Variants in MEGF9 observed in about 807,000 individuals in gnomAD.
The protein encoded by MEGF9 is multiple EGF like domains 9.
In MEGF9, 6 loss-of-function variants were observed where a neutral mutation model predicts 46.8. That is an observed-to-expected ratio of 0.13 (90% CI 0.07 to 0.25). MEGF9 has a LOEUF of 0.25. MEGF9 is among the 10% of genes least tolerant of loss of function. The pLI is 1.00. For missense variants in MEGF9, 683 were observed against 792.4 expected (o/e 0.86, Z 1.66); for synonymous variants, 302 against 330.7 (o/e 0.91, Z 0.94).
At chr9:120,611,216 C>G (rs1324618427) in intron 4 of MEGF9, among the ~76,000 whole-genome samples, 2 of 152,098 alleles carry the variant, frequency 1.3e-5, no homozygotes, top group East Asian at 3.8e-4. Context: ...AACATAGTTA[C>G]TACAGGACCC....
chr9:120,638,731 A>C (rs779061711), intron 2 of MEGF9, among the ~76,000 whole-genome samples: 1 of 152,208 alleles, frequency 6.6e-6, no homozygotes, highest in Non-Finnish European at 1.5e-5. Context: ...TTTAAATTGC[A>C]TTCTTCTGAT....
chr9:120,683,312 C>G (rs1283016304), intron 1 of MEGF9, among the ~76,000 whole-genome samples: 1 of 151,994 alleles, frequency 6.6e-6, no homozygotes. Flanking sequence ...TGGCCATAAG[C>G]CAAAGGGAAC....
intron 1 of MEGF9, among the ~76,000 whole-genome samples, chr9:120,707,720 C>G (rs181997949): frequency 5.9e-5 from 9 of 152,206 alleles, no homozygotes; most frequent in African/African-American, 2.2e-4. Flanking sequence ...TTAAGAGAGT[C>G]CTATATTCCT....
At chr9:120,623,179 T>C (rs1358734157) in intron 2 of MEGF9, among the ~76,000 whole-genome samples, 2 of 152,232 alleles carry the variant, frequency 1.3e-5, no homozygotes, top group Non-Finnish European at 2.9e-5. Context: ...GTCAAGTCTA[T>C]TCATACAAAG....
chr9:120,628,477 T>G (rs962126178), intron 2 of MEGF9, among the ~76,000 whole-genome samples: 5 of 138,086 alleles, frequency 3.6e-5, no homozygotes, highest in African/African-American at 1.3e-4. Context: ...TGTTTTTTTT[T>G]TTTTTTTTTT....
chr9:120,669,707 T>C (rs73535943), intron 1 of MEGF9, among the ~76,000 whole-genome samples: 8,902 of 152,052 alleles, frequency 0.059, 864 homozygotes, highest in African/African-American at 0.2. Context: ...TAAGGCAAAA[T>C]GACAGCAAAT....
At chr9:120,691,477 G>A in intron 1 of MEGF9, 1 of 446,342 alleles carries the variant, frequency 2.2e-6, no homozygotes, top group Non-Finnish European at 4.6e-6. Context: ...CTGATGCCCT[G>A]AACAAGAAGT....
chr9:120,688,741 G>A (rs2043835442), intron 1 of MEGF9, among the ~76,000 whole-genome samples: 1 of 152,088 alleles, frequency 6.6e-6, no homozygotes, highest in Non-Finnish European at 1.5e-5. Context: ...GGAAGCGTAT[G>A]GTAAGTATAT....
chr9:120,660,237 AAAG>A, intron 1 of MEGF9, among the ~76,000 whole-genome samples: 1 of 152,120 alleles, frequency 6.6e-6, no homozygotes, highest in African/African-American at 2.4e-5. Flanking sequence ...TCACTTTTCG[AAAG>A]AAATACTTTA....
At chr9:120,662,357 T>C (rs2043706346) in intron 1 of MEGF9, among the ~76,000 whole-genome samples, 1 of 152,222 alleles carries the variant, frequency 6.6e-6, no homozygotes, top group South Asian at 2.1e-4. Context: ...TTCTCTATTT[T>C]AAGAATCAGC....
intron 1 of MEGF9, among the ~76,000 whole-genome samples, chr9:120,671,750 C>A (rs1186428158): frequency 1.3e-5 from 2 of 152,124 alleles, no homozygotes; most frequent in Admixed American, 6.5e-5. Flanking sequence ...GAATCCTTTC[C>A]AATTAATTCT....
intron 1 of MEGF9, among the ~76,000 whole-genome samples, chr9:120,712,173 G>A (rs2043957089): frequency 6.6e-6 from 1 of 152,136 alleles, no homozygotes; most frequent in South Asian, 2.1e-4. Flanking sequence ...TGGGAGGATC[G>A]CTTGAGCCTG....
intron 1 of MEGF9, among the ~76,000 whole-genome samples, chr9:120,711,839 A>G (rs2043954332): frequency 9.7e-6 from 1 of 103,594 alleles, no homozygotes; most frequent in African/African-American, 3.2e-5. Context: ...CTATACATAC[A>G]TACATACACA....
chr9:120,611,778 AACAG>A (rs1279316447), intron 4 of MEGF9, among the ~76,000 whole-genome samples: 2 of 151,644 alleles, frequency 1.3e-5, no homozygotes, highest in African/African-American at 2.4e-5. Context: ...CTATTATTTA[AACAG>A]ACAGGGAGAA....
chr9:120,680,336 G>C (rs1199246198), intron 1 of MEGF9, among the ~76,000 whole-genome samples: 1 of 152,132 alleles, frequency 6.6e-6, no homozygotes, highest in African/African-American at 2.4e-5. Context: ...GGTATTCGAA[G>C]GGACTTGGGC....
At chr9:120,612,855 A>C (rs1209696915) in intron 3 of MEGF9, among the ~76,000 whole-genome samples, 1 of 152,176 alleles carries the variant, frequency 6.6e-6, no homozygotes, top group Non-Finnish European at 1.5e-5. Flanking sequence ...AATACATATT[A>C]ATAGAAGAAT....
At chr9:120,688,303 T>C (rs2043833366) in intron 1 of MEGF9, among the ~76,000 whole-genome samples, 3 of 151,992 alleles carry the variant, frequency 2.0e-5, no homozygotes, top group African/African-American at 7.3e-5. Flanking sequence ...GTAGCCAAGA[T>C]TATGGACCCA....
At chr9:120,614,242 C>T (rs537919586) in intron 3 of MEGF9, among the ~76,000 whole-genome samples, 3 of 152,098 alleles carry the variant, frequency 2.0e-5, no homozygotes, top group Non-Finnish European at 4.4e-5. Context: ...AGGCCGGTCT[C>T]GAACTTCTGA....
chr9:120,617,984 T>C (rs1294776814), intron 3 of MEGF9, among the ~76,000 whole-genome samples: 1 of 152,164 alleles, frequency 6.6e-6, no homozygotes, highest in Non-Finnish European at 1.5e-5. Flanking sequence ...GAAAAAAAAG[T>C]TGTTTTGGAT....
Sources: allele counts gnomAD v4.1 joint callset (sites outside exome capture counted in the v4.1 genomes callset), GRCh38; gene constraint gnomAD v4.1.1; transcripts MANE v1.5; gene names NCBI Gene and HGNC (gene_info 2026-07-23, HGNC 2026-07-21).